Variants in GRIK2 observed in about 807,000 individuals in gnomAD.
GRIK2 encodes glutamate ionotropic receptor kainate type subunit 2, also known as glutamate receptor ionotropic, kainate 2.
Under a neutral mutation model 100.3 loss-of-function variants are expected in GRIK2, and 32 were observed. That is an observed-to-expected ratio of 0.32 (90% CI 0.24 to 0.43). The LOEUF (loss-of-function observed/expected upper bound fraction) is 0.43, where lower values mean the gene tolerates loss of function less well. Among genes scored for constraint, GRIK2 ranks in the 20% least tolerant of loss-of-function variants. The probability of loss-of-function intolerance (pLI) is 1.00; values close to 1 mark genes in which losing one functional copy is unlikely to be tolerated. For missense variants in GRIK2, 843 were observed against 1,114.9 expected, an observed-to-expected ratio of 0.76 and a Z score of 3.47; for synonymous variants, 417 against 389.4, an observed-to-expected ratio of 1.07 and a Z score of -0.83.
intron 14 of GRIK2, among the ~76,000 whole-genome samples, chr6:102,019,264 C>T (rs1026027376): frequency 6.6e-6 from 1 of 152,010 alleles, no homozygotes; most frequent in Admixed American, 6.6e-5. Flanking sequence ...GATGGTGTTA[C>T]AGGAAAATCC....
Position 101,495,501 on chromosome 6 carries a change from G to A in GRIK2, c.115+96109G>A, listed in dbSNP as rs143722126. On this transcript the variant is annotated intron_variant, in intron 2 of 16. Transcript: ENST00000369134. Reference sequence around the variant, plus strand: ...AGCCTGGGAGATAGAGCAAGACTCCGTCTCAAAATAAGTAAATAAATAAAT... The same window carrying A: ...AGCCTGGGAGATAGAGCAAGACTCCATCTCAAAATAAGTAAATAAATAAAT... 1.3e-3 allele frequency among the ~76,000 whole-genome samples: 196 copies of A among 152,036 alleles called. 1 individual carries two copies. Among genetic ancestry groups the A allele is most frequent in the African/African-American group, 1.9e-3 (79 of 41,490 alleles).
At chr6:101,470,241 C>A (rs13200737) in intron 2 of GRIK2, among the ~76,000 whole-genome samples, 1,965 of 152,246 alleles carry the variant, frequency 0.013, 21 homozygotes, top group Non-Finnish European at 0.02. Context: ...CTCCACAACC[C>A]CTAGTTTCTG....
intron 2 of GRIK2, among the ~76,000 whole-genome samples, chr6:101,619,813 C>T (rs991860925): frequency 1.3e-5 from 2 of 152,020 alleles, no homozygotes; most frequent in African/African-American, 4.8e-5. Context: ...TGAAATTTTG[C>T]AGAAAACTAC....
chr6:101,883,410 T>C (rs2128454521), intron 11 of GRIK2, among the ~76,000 whole-genome samples: 1 of 152,134 alleles, frequency 6.6e-6, no homozygotes, highest in African/African-American at 2.4e-5. Context: ...GTGACTACTT[T>C]GTGCCAGTCA....
intron 16 of GRIK2, among the ~76,000 whole-genome samples, chr6:102,060,996 C>G (rs1011059345): frequency 2.0e-5 from 3 of 150,258 alleles, no homozygotes; most frequent in African/African-American, 7.3e-5. Flanking sequence ...CACTGCCTTT[C>G]TTTGAGAGCT....
intron 2 of GRIK2, among the ~76,000 whole-genome samples, chr6:101,565,466 T>C (rs151181769): frequency 6.6e-6 from 1 of 152,138 alleles, no homozygotes; most frequent in Non-Finnish European, 1.5e-5. Flanking sequence ...CATTTTTATA[T>C]GTTCTTTGAA....
intron 2 of GRIK2, among the ~76,000 whole-genome samples, chr6:101,578,717 G>A (rs1777904049): frequency 1.3e-5 from 2 of 152,026 alleles, no homozygotes; most frequent in South Asian, 2.1e-4. Flanking sequence ...TGGCTTCATG[G>A]GGTGCTTTTC....
intron 2 of GRIK2, among the ~76,000 whole-genome samples, chr6:101,508,653 C>A (rs1005578825): frequency 1.3e-5 from 2 of 152,198 alleles, no homozygotes; most frequent in East Asian, 3.9e-4. Context: ...ACAGAGAAAT[C>A]TTTATGCTTA....
chr6:101,924,749 G>T, intron 13 of GRIK2, 30 bp downstream of exon 13: 1 of 1,352,592 alleles, frequency 7.4e-7, no homozygotes. Context: ...ATTTCCTTTG[G>T]GCACCATGTC....
At chr6:101,742,933 C>A (rs1044145412) in intron 7 of GRIK2, among the ~76,000 whole-genome samples, 2 of 152,128 alleles carry the variant, frequency 1.3e-5, no homozygotes, top group Admixed American at 1.3e-4. Context: ...TGGCTGAGGA[C>A]GAAGTCCATT....
chr6:101,455,697 C>T (rs576507624), intron 2 of GRIK2, among the ~76,000 whole-genome samples: 48 of 151,998 alleles, frequency 3.2e-4, no homozygotes, highest in African/African-American at 8.9e-4. Flanking sequence ...AGGTAGATAA[C>T]GGTTTGATTT....
At chr6:101,470,208 C>T (rs1771872748) in intron 2 of GRIK2, among the ~76,000 whole-genome samples, 1 of 152,142 alleles carries the variant, frequency 6.6e-6, no homozygotes, top group Non-Finnish European at 1.5e-5. Flanking sequence ...TGAAGCAGTA[C>T]TCTGGACTAC....
intron 14 of GRIK2, among the ~76,000 whole-genome samples, chr6:102,025,200 A>AT (rs944126067): frequency 3.3e-5 from 5 of 150,880 alleles, no homozygotes; most frequent in Non-Finnish European, 7.4e-5. Context: ...TCATTTATCC[A>AT]TTTTTTTCTA....
At chr6:101,765,101 T>C (rs1405537654) in intron 7 of GRIK2, among the ~76,000 whole-genome samples, 14 of 152,160 alleles carry the variant, frequency 9.2e-5, no homozygotes, top group Non-Finnish European at 1.5e-5. Context: ...CTTAGACTTC[T>C]TTAGTGTCAA....
At chr6:101,808,429 C>T (rs992466368) in intron 9 of GRIK2, among the ~76,000 whole-genome samples, 1 of 151,994 alleles carries the variant, frequency 6.6e-6, no homozygotes, top group Non-Finnish European at 1.5e-5. Context: ...TTTAAACTCT[C>T]CTATGTGACC....
At chr6:102,008,065 A>C (rs1038240460) in intron 14 of GRIK2, among the ~76,000 whole-genome samples, 2 of 152,036 alleles carry the variant, frequency 1.3e-5, no homozygotes, top group African/African-American at 4.8e-5. Flanking sequence ...ACAACAACAA[A>C]ATTTTAAAGT....
intron 2 of GRIK2, chr6:101,430,481 T>C: frequency 4.7e-6 from 1 of 211,004 alleles, no homozygotes. Context: ...CCACACCGAG[T>C]ATTTGAGCTC....
At chr6:101,652,901 T>C (rs1781867166) in intron 4 of GRIK2, among the ~76,000 whole-genome samples, 1 of 152,050 alleles carries the variant, frequency 6.6e-6, no homozygotes, top group East Asian at 1.9e-4. Flanking sequence ...GTGTTTGCCA[T>C]AGGAAAGAGG....
At chr6:101,599,977 A>G (rs1464683809) in intron 2 of GRIK2, among the ~76,000 whole-genome samples, 1 of 151,794 alleles carries the variant, frequency 6.6e-6, no homozygotes, top group Non-Finnish European at 1.5e-5. Flanking sequence ...TTCTTTCTCA[A>G]GGCCAGTGTC....
Sources: allele counts gnomAD v4.1 joint callset (sites outside exome capture counted in the v4.1 genomes callset), GRCh38; gene constraint gnomAD v4.1.1; transcripts MANE v1.5; gene names NCBI Gene and HGNC (gene_info 2026-07-23, HGNC 2026-07-21).